The following STX8 variants were observed in gnomAD, a reference collection of about 807,000 sequenced individuals.
STX8 encodes syntaxin-8.
In STX8, 23 loss-of-function variants were observed where a neutral mutation model predicts 37.5. That is an observed-to-expected ratio of 0.61 (90% CI 0.44 to 0.87). The LOEUF is 0.87. Ranked by LOEUF, STX8 falls within the 40% of genes least tolerant of loss-of-function variation. The pLI is 0.00. For missense variants in STX8, 313 were observed against 284.7 expected (o/e 1.10, Z -0.71); for synonymous variants, 115 against 99.1 (o/e 1.16, Z -0.95).
At chr17:9,385,310 C>T (rs1911955934) in intron 6 of STX8, among the ~76,000 whole-genome samples, 1 of 151,992 alleles carries the variant, frequency 6.6e-6, no homozygotes, top group African/African-American at 2.4e-5. Flanking sequence ...TTTTATGATC[C>T]ACGCCTCATT....
At chr17:9,545,778 G>T (rs995586517) in intron 3 of STX8, among the ~76,000 whole-genome samples, 2 of 152,072 alleles carry the variant, frequency 1.3e-5, no homozygotes, top group Non-Finnish European at 2.9e-5. Context: ...ACGGGTTTTT[G>T]CCATGCTGGC....
chr17:9,433,990 C>T (rs566045337), intron 6 of STX8, among the ~76,000 whole-genome samples: 1 of 143,624 alleles, frequency 7.0e-6, no homozygotes, highest in East Asian at 2.0e-4. Context: ...GGGGGTAAAA[C>T]GGGCTTTAGT....
intron 7 of STX8, among the ~76,000 whole-genome samples, chr17:9,353,797 G>T (rs1910791333): frequency 6.6e-6 from 1 of 152,052 alleles, no homozygotes; most frequent in Non-Finnish European, 1.5e-5. Flanking sequence ...TAAATTAACA[G>T]ATTTTTCTTT....
chr17:9,264,618 A>C lies in STX8; in HGVS notation c.644-13973T>G, dbSNP rs543604290. ...CTGCACCCAGCCTGATTTTTTAAAC[A>C]CAGCAATAGATAACCAGAATGGGTA... On this transcript the variant is annotated intron_variant, in intron 7 of 7. Transcript: ENST00000306357. Among the ~76,000 whole-genome samples, 3 of 152,248 alleles carry C rather than the reference A, an allele frequency of 2.0e-5. No homozygotes were observed. In the East Asian group the frequency reaches 5.8e-4, roughly 29 times the overall value.
chr17:9,452,035 AAAT>A (rs1905058161), intron 6 of STX8, among the ~76,000 whole-genome samples: 1 of 152,246 alleles, frequency 6.6e-6, no homozygotes, highest in Admixed American at 6.5e-5. Flanking sequence ...TACTGGAGTC[AAAT>A]AATAATGTGT....
intron 6 of STX8, among the ~76,000 whole-genome samples, chr17:9,426,691 G>T (rs1035791247): frequency 6.6e-6 from 1 of 152,126 alleles, no homozygotes; most frequent in Non-Finnish European, 1.5e-5. Flanking sequence ...AGCCTGGGAG[G>T]TAGAGGCTGC....
At chr17:9,378,887 C>T (rs1911694336) in intron 6 of STX8, among the ~76,000 whole-genome samples, 1 of 151,924 alleles carries the variant, frequency 6.6e-6, no homozygotes, top group Non-Finnish European at 1.5e-5. Flanking sequence ...AGAAATGCCA[C>T]ATTCAGAGGA....
At chr17:9,325,367 T>C (rs556513080) in intron 7 of STX8, among the ~76,000 whole-genome samples, 29 of 152,302 alleles carry the variant, frequency 1.9e-4, no homozygotes, top group Middle Eastern at 3.4e-3. Context: ...TTATAAGGTA[T>C]GTATAGTGTA....
At chr17:9,406,919 C>T (rs748240198) in intron 6 of STX8, among the ~76,000 whole-genome samples, 40 of 152,114 alleles carry the variant, frequency 2.6e-4, no homozygotes, top group Admixed American at 1.2e-3. Context: ...AGCACTGGTT[C>T]TGAGGGGTAA....
intron 6 of STX8, among the ~76,000 whole-genome samples, chr17:9,390,829 TC>T (rs1912192217): frequency 9.7e-6 from 1 of 103,176 alleles, no homozygotes; most frequent in Admixed American, 1.3e-4. Flanking sequence ...AGAGCGAGAC[TC>T]CGTCTCAAAA....
In STX8 at chr17:9,557,461, A is replaced by G; in HGVS notation, c.185T>C (p.Leu62Ser). 6.2e-7 allele frequency: 1 copy of G among 1,614,082 alleles called. No homozygotes were observed. Among genetic ancestry groups the G allele is most frequent in the African/African-American group, 1.3e-5 (1 of 75,062 alleles). ...KEKIALLKDL[L>S]LRAVSTHQIT... ...CTGATGTGTTGACACAGCTCTTAGC[A>G]ATAAGTCCTTCAAAAGGGCGATCTT... The change falls in exon 3 of 8, where the codon TTG becomes TCG. Residue 62 changes from leucine (L) to serine (S), a missense_variant. Physicochemically the swap from Leu to Ser is moderately radical, Grantham distance 145. Coordinates refer to ENST00000306357, the MANE Select transcript of STX8 (RefSeq NM_004853.3).
At chr17:9,552,171 G>T (rs1469783322) in intron 3 of STX8, among the ~76,000 whole-genome samples, 1 of 151,978 alleles carries the variant, frequency 6.6e-6, no homozygotes, top group South Asian at 2.1e-4. Context: ...GCAACATGGC[G>T]AGACCCCATC....
chr17:9,546,590 G>GTTTTTTT (rs745424722), intron 3 of STX8, among the ~76,000 whole-genome samples: 948 of 61,820 alleles, frequency 0.015, 48 homozygotes, highest in Non-Finnish European at 0.021. Flanking sequence ...CTACAAAAGT[G>GTTTTTTT]GTTTTTTTTT....
At chr17:9,312,009 A>G (rs112841241) in intron 7 of STX8, among the ~76,000 whole-genome samples, 10,466 of 151,500 alleles carry the variant, frequency 0.069, 1,141 homozygotes, top group African/African-American at 0.23. Flanking sequence ...CATTATGCCC[A>G]GCTAATTTTT....
intron 6 of STX8, among the ~76,000 whole-genome samples, chr17:9,485,591 G>GTT (rs5819231): frequency 0.011 from 1,571 of 145,980 alleles, 24 homozygotes; most frequent in African/African-American, 0.035. Context: ...TTGTTTTTTG[G>GTT]TTTTTTTTTT....
chr17:9,349,316 C>CTTTTTTTTT (rs61627405), intron 7 of STX8, among the ~76,000 whole-genome samples: 2 of 109,796 alleles, frequency 1.8e-5, no homozygotes, highest in Admixed American at 9.7e-5. Context: ...ATTTTCTTTT[C>CTTTTTTTTT]TTTTTTTTTT....
chr17:9,465,958 C>T (rs1286574564), intron 6 of STX8, among the ~76,000 whole-genome samples: 2 of 152,082 alleles, frequency 1.3e-5, no homozygotes, highest in African/African-American at 4.8e-5. Flanking sequence ...TTTTTAACCA[C>T]CATACTATTT....
At chr17:9,451,758 T>C (rs1905047956) in intron 6 of STX8, among the ~76,000 whole-genome samples, 1 of 151,290 alleles carries the variant, frequency 6.6e-6, no homozygotes, top group Admixed American at 6.6e-5. Context: ...AATTTAAATA[T>C]ATTCATATAT....
At chr17:9,410,575 G>A (rs775062514) in intron 6 of STX8, among the ~76,000 whole-genome samples, 2 of 152,168 alleles carry the variant, frequency 1.3e-5, no homozygotes, top group Non-Finnish European at 2.9e-5. Context: ...TACGCATAGT[G>A]CAGCTGTTCT....
Sources: allele counts gnomAD v4.1 joint callset (sites outside exome capture counted in the v4.1 genomes callset), GRCh38; gene constraint gnomAD v4.1.1; transcripts MANE v1.5; gene names NCBI Gene and HGNC (gene_info 2026-07-23, HGNC 2026-07-21).